SEMA5B: variants seen among roughly 807,000 people sequenced by gnomAD.
SEMA5B encodes the protein semaphorin-5B.
Under a neutral mutation model 135.0 loss-of-function variants are expected in SEMA5B, and 66 were observed. That is an observed-to-expected ratio of 0.49 (90% CI 0.40 to 0.60). The LOEUF is 0.60. Ranked by LOEUF, SEMA5B falls within the 20% of genes least tolerant of loss-of-function variation. The pLI, the probability that SEMA5B is intolerant of heterozygous loss-of-function variation, is 0.00. For synonymous variants in SEMA5B, 690 were observed against 639.5 expected, an observed-to-expected ratio of 1.08 and a Z score of -1.19; for missense variants, 1,501 against 1,566.3, an observed-to-expected ratio of 0.96 and a Z score of 0.70.
intron 1 of SEMA5B, among the ~76,000 whole-genome samples, chr3:122,991,142 C>T (rs1456210230): frequency 3.9e-5 from 6 of 152,130 alleles, no homozygotes; most frequent in South Asian, 4.1e-4. Context: ...AACCAGCAGC[C>T]GAGCCTCACC....
At chr3:122,998,026 G>A (rs890214844) in intron 1 of SEMA5B, among the ~76,000 whole-genome samples, 7 of 152,180 alleles carry the variant, frequency 4.6e-5, no homozygotes, top group African/African-American at 2.4e-5. Flanking sequence ...TGGTGAGCTC[G>A]GTGACAGTGA....
chr3:123,010,246 A>G (rs756350530), intron 1 of SEMA5B, among the ~76,000 whole-genome samples: 6 of 152,182 alleles, frequency 3.9e-5, no homozygotes, highest in Non-Finnish European at 8.8e-5. Flanking sequence ...GGGACAAATC[A>G]TGGAATTTGG....
intron 2 of SEMA5B, among the ~76,000 whole-genome samples, chr3:122,957,254 C>A (rs890822553): frequency 1.3e-5 from 2 of 152,212 alleles, no homozygotes; most frequent in Non-Finnish European, 2.9e-5. Context: ...TGGATTAGAG[C>A]AGGCCATTTG....
chr3:122,936,060 G>GTT (rs1447612070), intron 5 of SEMA5B, among the ~76,000 whole-genome samples: 2 of 152,138 alleles, frequency 1.3e-5, no homozygotes, highest in Non-Finnish European at 1.5e-5. Flanking sequence ...CATTCTCTCT[G>GTT]TTGTTGTGAA....
chr3:122,921,874 T>A (rs1378063643), intron 12 of SEMA5B, 41 bp downstream of exon 12: 4 of 1,485,512 alleles, frequency 2.7e-6, no homozygotes, highest in Non-Finnish European at 3.6e-6. Flanking sequence ...AAGCGCCTCC[T>A]CCGCAGTGGA....
At chr3:123,002,868 T>C (rs1942215375) in intron 1 of SEMA5B, among the ~76,000 whole-genome samples, 1 of 152,220 alleles carries the variant, frequency 6.6e-6, no homozygotes, top group South Asian at 2.1e-4. Context: ...CCTTTGGTTT[T>C]CTTATCTGTA....
chr3:122,989,359 G>A (rs937104479), intron 1 of SEMA5B, among the ~76,000 whole-genome samples: 1 of 152,178 alleles, frequency 6.6e-6, no homozygotes, highest in Admixed American at 6.5e-5. Flanking sequence ...TGGGGAGAAA[G>A]GTCCCAAGTG....
chr3:122,989,135 C>T (rs1200048831), intron 1 of SEMA5B, among the ~76,000 whole-genome samples: 2 of 152,210 alleles, frequency 1.3e-5, no homozygotes, highest in African/African-American at 2.4e-5. Context: ...AGCATATGTT[C>T]GGAGAGAGTC....
rs75489447 is a variant in SEMA5B, at chr3:122,984,630, T to C, written c.-38-23329A>G. Among the ~76,000 whole-genome samples the C allele has an allele frequency of 9.4e-3, 1,435 of 152,226 alleles. 12 individuals carry two copies. Among genetic ancestry groups the C allele is most frequent in the Middle Eastern group, 0.017 (5 of 294 alleles). On this transcript the variant is annotated intron_variant, in intron 1 of 22. Coordinates refer to ENST00000357599, the MANE Select transcript of SEMA5B (RefSeq NM_001031702.4). The stretch of plus-strand genomic sequence containing the variant: ...AAGGTTACCCATTGGGTACAATGTT[T>C]GCTATTTGGGTAATGGGTACGCTAG...
chr3:122,962,019 G>A (rs545734722), intron 1 of SEMA5B, among the ~76,000 whole-genome samples: 3 of 152,290 alleles, frequency 2.0e-5, no homozygotes, highest in Admixed American at 6.5e-5. Flanking sequence ...AGCTGGGCAA[G>A]GTTCTCTACT....
At chr3:122,944,340 ACCTCCTCC>A (rs1332825940) in intron 3 of SEMA5B, among the ~76,000 whole-genome samples, 1 of 151,936 alleles carries the variant, frequency 6.6e-6, no homozygotes, top group Non-Finnish European at 1.5e-5. Context: ...CCCCATCCCT[ACCTCCTCC>A]AAGAAGCCTT....
chr3:123,003,897 C>T lies in SEMA5B; in HGVS notation c.-39+23567G>A, dbSNP rs185192037. On this transcript the variant is annotated intron_variant, in intron 1 of 22. Transcript: ENST00000357599. Reference sequence around the variant, plus strand: ...GAAAGTTCTTGAAGTTTTAATTCAGCTGCCAAGAACAATCAGGGCAGCCTT... The same window carrying T: ...GAAAGTTCTTGAAGTTTTAATTCAGTTGCCAAGAACAATCAGGGCAGCCTT... Among the ~76,000 whole-genome samples, 118 of 152,236 alleles carry T rather than the reference C, an allele frequency of 7.8e-4. 2 individuals carry two copies. Among genetic ancestry groups the T allele is most frequent in the South Asian group, 7.5e-3 (36 of 4,824 alleles).
rs967536323 is a variant in SEMA5B, at chr3:122,909,181, A to G, written c.*962T>C. The G allele has an allele frequency of 6.6e-6, 1 of 152,668 alleles. No homozygotes were observed. Among genetic ancestry groups the G allele is most frequent in the African/African-American group, 2.4e-5 (1 of 41,464 alleles). 9.5% of individuals were successfully genotyped at this position (152,668 alleles called of 1,614,324 possible). A position where few individuals can be genotyped will look rare whatever the true frequency, so the allele number is the denominator to read the frequency against. ...GCAAGAGGAGCCCACGCACAGATGC[A>G]CAGAGACATTTGGAGACTGGATATC... is the stretch of plus-strand genomic sequence containing the variant. On this transcript the variant is annotated 3_prime_UTR_variant, in exon 23 of 23. Transcript: ENST00000357599.
At chr3:122,967,630 T>C (rs1003025906) in intron 1 of SEMA5B, among the ~76,000 whole-genome samples, 10 of 152,130 alleles carry the variant, frequency 6.6e-5, no homozygotes, top group African/African-American at 1.9e-4. Flanking sequence ...ATGGATTCTG[T>C]GGTGCCATTC....
intron 2 of SEMA5B, among the ~76,000 whole-genome samples, chr3:122,951,448 T>G (rs1227215532): frequency 6.6e-6 from 1 of 152,192 alleles, no homozygotes; most frequent in Admixed American, 6.5e-5. Context: ...GTTTTAAGAT[T>G]TAAGAAACTT....
At chr3:122,943,587 G>T in intron 3 of SEMA5B, 52 bp from the exon 4 acceptor site, 2 of 1,327,464 alleles carry the variant, frequency 1.5e-6, no homozygotes, top group Non-Finnish European at 2.1e-6. Context: ...GAGGCTCCCA[G>T]CTGCATCGCA....
chr3:122,921,996 CTG>C lies in SEMA5B; in HGVS notation c.1605_1606del (p.His535GlnfsTer87), dbSNP rs777979555. On this transcript the variant is annotated frameshift_variant, in exon 12 of 23. Coordinates refer to ENST00000357599, the MANE Select transcript of SEMA5B (RefSeq NM_001031702.4). LOFTEE classifies it high-confidence loss of function. Reference sequence around the variant, plus strand: ...CAGCCCCACGAAGAGCGCGCGGGCGCTGTGCAGGATGCGCAGGCTGCGCAGGG... The same window carrying C: ...CAGCCCCACGAAGAGCGCGCGGGCGCTGCAGGATGCGCAGGCTGCGCAGGG... 13 of 1,534,894 alleles carry C rather than the reference CTG, an allele frequency of 8.5e-6. No individual in the cohort carries two copies. The highest frequency in any genetic ancestry group is 4.4e-6 in the Non-Finnish European group (5 of 1,144,100).
In SEMA5B at chr3:122,913,328, G is replaced by T. The variant is rs1232583718; in HGVS notation, c.2377C>A (p.Arg793=). The T allele has an allele frequency of 1.3e-6, 2 of 1,573,736 alleles. No individual in the cohort carries two copies. The highest frequency in any genetic ancestry group is 1.7e-6 in the Non-Finnish European group (2 of 1,168,444). ...LPVNVTQGGA[R]QEQRFRFTCR... The stretch of plus-strand genomic sequence containing the variant: ...GTGAAGCGGAACCGCTGCTCCTGCC[G>T]TGCCCCGCCCTGCGTCACGTTCACG... The change falls in exon 17 of 23, where the codon CGG becomes AGG. Residue 793 remains arginine, a synonymous_variant. Transcript: ENST00000357599.
upstream of SEMA5B, among the ~76,000 whole-genome samples, chr3:123,027,985 T>G (rs2107864624): frequency 6.6e-6 from 1 of 152,252 alleles, no homozygotes; most frequent in East Asian, 1.9e-4. Flanking sequence ...CTGCCGAGTG[T>G]GGTGACCAGC....
Sources: gnomAD v4.1 joint callset for allele counts (sites outside exome capture counted in the v4.1 genomes callset) on GRCh38, gnomAD v4.1.1 for gene constraint, MANE v1.5 for transcripts, NCBI Gene and HGNC (gene_info 2026-07-23, HGNC 2026-07-21) for gene names.